The following XIRP2 variants were observed in gnomAD, a reference collection of about 807,000 sequenced individuals.
XIRP2 encodes the protein xin actin-binding repeat-containing protein 2.
In XIRP2, 236 loss-of-function variants were observed where a neutral mutation model predicts 277.0. The ratio of observed to expected loss-of-function variants is 0.85; its 90% confidence interval spans 0.77 to 0.95. The LOEUF is 0.95. XIRP2 is among the 40% of genes least tolerant of loss of function. The probability of loss-of-function intolerance (pLI) is 0.00; values close to 1 mark genes in which losing one functional copy is unlikely to be tolerated. For synonymous variants in XIRP2, 1,490 were observed against 1,416.5 expected, an observed-to-expected ratio of 1.05 and a Z score of -1.17; for missense variants, 4,640 against 4,157.5, an observed-to-expected ratio of 1.12 and a Z score of -3.19.
chr2:167,169,255 G>A (rs1343830176), intron 3 of XIRP2, among the ~76,000 whole-genome samples: 1 of 151,854 alleles, frequency 6.6e-6, no homozygotes, highest in African/African-American at 2.4e-5. Context: ...CCAAAAACGT[G>A]AGGTGACTTT....
chr2:167,231,692 C>A (rs1433642375), intron 5 of XIRP2, among the ~76,000 whole-genome samples: 1 of 151,872 alleles, frequency 6.6e-6, no homozygotes. Context: ...TGTCTAGGAT[C>A]CAGGTGTGCA....
At chr2:167,194,540 T>G (rs1258225155) in intron 3 of XIRP2, among the ~76,000 whole-genome samples, 1 of 152,188 alleles carries the variant, frequency 6.6e-6, no homozygotes, top group East Asian at 1.9e-4. Context: ...AGCCTTGAAA[T>G]GTATGAAGTG....
chr2:167,023,496 T>A (rs944659744), intron 2 of XIRP2, among the ~76,000 whole-genome samples: 2 of 152,038 alleles, frequency 1.3e-5, no homozygotes, highest in African/African-American at 4.8e-5. Context: ...TTTGTTGCCA[T>A]TGCTTTTGGT....
intron 2 of XIRP2, among the ~76,000 whole-genome samples, chr2:167,121,866 G>C (rs1015725998): frequency 6.6e-6 from 1 of 152,130 alleles, no homozygotes; most frequent in Non-Finnish European, 1.5e-5. Context: ...AATTCCACAG[G>C]TTTTCTTAGG....
chr2:167,079,695 G>A (rs967422476), intron 2 of XIRP2, among the ~76,000 whole-genome samples: 3 of 151,726 alleles, frequency 2.0e-5, no homozygotes, highest in South Asian at 2.1e-4. Flanking sequence ...CACCTTTGCC[G>A]TCTCTGATTG....
chr2:167,071,774 G>A (rs1012065537), intron 2 of XIRP2, among the ~76,000 whole-genome samples: 4 of 152,194 alleles, frequency 2.6e-5, no homozygotes, highest in Non-Finnish European at 5.9e-5. Context: ...CTGTGCCAGG[G>A]CAGCTCTTGA....
chr2:167,154,622 A>G (rs1169011982), intron 3 of XIRP2, among the ~76,000 whole-genome samples: 1 of 152,144 alleles, frequency 6.6e-6, no homozygotes, highest in Non-Finnish European at 1.5e-5. Context: ...AGCTTTCTAC[A>G]TATGGCTAGC....
intron 5 of XIRP2, among the ~76,000 whole-genome samples, chr2:167,232,294 T>C (rs1694781559): frequency 6.6e-6 from 1 of 151,944 alleles, no homozygotes; most frequent in African/African-American, 2.4e-5. Context: ...ATTGGATAGG[T>C]GATCACAAAC....
intron 3 of XIRP2, among the ~76,000 whole-genome samples, chr2:167,154,941 A>G (rs1431219195): frequency 6.6e-6 from 1 of 152,008 alleles, no homozygotes; most frequent in African/African-American, 2.4e-5. Flanking sequence ...AGAAATACAA[A>G]CTACCATCAG....
At chr2:167,169,499 T>C (rs1263322640) in intron 3 of XIRP2, among the ~76,000 whole-genome samples, 1 of 152,236 alleles carries the variant, frequency 6.6e-6, no homozygotes, top group African/African-American at 2.4e-5. Context: ...TGTATTTATC[T>C]ATTAGTATCT....
At chr2:167,118,677 C>T (rs930188618) in intron 2 of XIRP2, among the ~76,000 whole-genome samples, 14 of 151,972 alleles carry the variant, frequency 9.2e-5, no homozygotes, top group African/African-American at 3.4e-4. Context: ...GATAATGCAC[C>T]TGCTAGCACC....
intron 2 of XIRP2, among the ~76,000 whole-genome samples, chr2:167,122,635 T>G (rs1162384652): frequency 6.6e-6 from 1 of 152,120 alleles, no homozygotes; most frequent in Non-Finnish European, 1.5e-5. Context: ...AGACCCAAGG[T>G]CCCTTAACTG....
chr2:167,021,024 A>G (rs745939765), intron 2 of XIRP2, among the ~76,000 whole-genome samples: 5 of 152,058 alleles, frequency 3.3e-5, no homozygotes, highest in Non-Finnish European at 7.4e-5. Context: ...TTCTACATAT[A>G]ATTCTTCTAG....
intron 2 of XIRP2, among the ~76,000 whole-genome samples, chr2:166,973,720 A>C (rs770756622): frequency 1.3e-5 from 2 of 152,212 alleles, no homozygotes; most frequent in Non-Finnish European, 2.9e-5. Flanking sequence ...GTAACATTTC[A>C]TTAACATTTG....
At chr2:167,107,643 G>A (rs1170840720) in intron 2 of XIRP2, among the ~76,000 whole-genome samples, 1 of 151,150 alleles carries the variant, frequency 6.6e-6, no homozygotes, top group Non-Finnish European at 1.5e-5. Context: ...AGGTATATTG[G>A]TCTATAGTTT....
At chr2:167,111,209 A>G (rs985357033) in intron 2 of XIRP2, among the ~76,000 whole-genome samples, 1 of 152,086 alleles carries the variant, frequency 6.6e-6, no homozygotes, top group African/African-American at 2.4e-5. Context: ...TTCCAATACT[A>G]TTATGAATAG....
intron 2 of XIRP2, among the ~76,000 whole-genome samples, chr2:166,911,902 G>C (rs1684713799): frequency 6.6e-6 from 1 of 152,142 alleles, no homozygotes; most frequent in Non-Finnish European, 1.5e-5. Flanking sequence ...ATTCTGGGTT[G>C]AAAATACTTT....
chr2:167,240,759 TC>T, intron 7 of XIRP2, 23 bp downstream of exon 7: 1 of 1,589,154 alleles, frequency 6.3e-7, no homozygotes, highest in East Asian at 2.2e-5. Context: ...TATTATTGGT[TC>T]CAATACTCCT....
In XIRP2 at chr2:167,251,158, G is replaced by T. The variant is rs1039526529; in HGVS notation, c.9766G>T (p.Val3256Leu). The change falls in exon 9 of 11, where the codon GTG becomes TTG. Residue 3256 changes from valine (V) to leucine (L), a missense_variant. Val to Leu is a conservative substitution (Grantham distance 32). Transcript: ENST00000409195. ...HAASGSFRES[V>L]DAQEEIRKVE... Reference sequence around the variant, plus strand: ...TGCTAGTGGTTCCTTCAGAGAATCTGTGGACGCTCAAGAGGAAATCAGGAA... The same window carrying T: ...TGCTAGTGGTTCCTTCAGAGAATCTTTGGACGCTCAAGAGGAAATCAGGAA... 1 of 1,613,366 alleles carries T rather than the reference G, an allele frequency of 6.2e-7. No homozygotes were observed. Among genetic ancestry groups the T allele is most frequent in the Non-Finnish European group, 8.5e-7 (1 of 1,179,746 alleles).
Sources: allele counts gnomAD v4.1 joint callset (sites outside exome capture counted in the v4.1 genomes callset), GRCh38; gene constraint gnomAD v4.1.1; transcripts MANE v1.5; gene names NCBI Gene and HGNC (gene_info 2026-07-23, HGNC 2026-07-21).